Variants in ARHGAP44 observed in about 807,000 individuals in gnomAD.
ARHGAP44 encodes Rho GTPase activating protein 44, also known as rho GTPase-activating protein 44.
ARHGAP44 carries 43 observed loss-of-function variants against 106.8 expected under a neutral mutation model. The ratio of observed to expected loss-of-function variants is 0.40; its 90% CI spans 0.32 to 0.52. The LOEUF (loss-of-function observed/expected upper bound fraction) is 0.52. Ranked by LOEUF, ARHGAP44 falls within the 20% of genes least tolerant of loss-of-function variation. The probability of loss-of-function intolerance (pLI) is 0.48; values close to 1 mark genes in which losing one functional copy is unlikely to be tolerated. For missense variants in ARHGAP44, 866 were observed against 1,050.5 expected, an observed-to-expected ratio of 0.82 and a Z score of 2.43; for synonymous variants, 439 against 410.3, an observed-to-expected ratio of 1.07 and a Z score of -0.85.
In ARHGAP44 at chr17:12,802,503, CAG is replaced by C. The variant is rs368312351; in HGVS notation, c.53+12613_53+12614del. On this transcript the variant is annotated intron_variant, in intron 1 of 20. Transcript: ENST00000379672. The stretch of plus-strand genomic sequence containing the variant: ...GTTAAGTCCGATCTTCACTTGGAAA[CAG>C]GGGGAGAATAGGAATTCTTTCGATT... Among the ~76,000 whole-genome samples, 288 of 152,188 alleles carry C rather than the reference CAG, an allele frequency of 1.9e-3. 1 individual carries two copies. The highest frequency in any genetic ancestry group is 4.6e-3 in the African/African-American group (191 of 41,540).
intron 1 of ARHGAP44, among the ~76,000 whole-genome samples, chr17:12,818,975 G>C (rs2034681755): frequency 6.6e-6 from 1 of 152,042 alleles, no homozygotes; most frequent in Non-Finnish European, 1.5e-5. Context: ...AGACAATCTA[G>C]AAAGAAGAAC....
chr17:12,905,789 T>C (rs1293139843), intron 3 of ARHGAP44, among the ~76,000 whole-genome samples: 1 of 152,238 alleles, frequency 6.6e-6, no homozygotes, highest in Non-Finnish European at 1.5e-5. Flanking sequence ...TGGCAGGTCA[T>C]GGGACTGTGA....
rs181419414 is a variant in ARHGAP44 at position 12,866,365 on chromosome 17, G to C, written c.54-28575G>C. Among the ~76,000 whole-genome samples the C allele has an allele frequency of 9.2e-5, 14 of 152,212 alleles. No homozygotes were observed. The East Asian group carries it at 2.5e-3, about 27-fold the overall frequency. On this transcript the variant is annotated intron_variant, in intron 1 of 20. Coordinates refer to ENST00000379672, the MANE Select transcript of ARHGAP44 (RefSeq NM_014859.6). ...TAAATGAATTGAGGTTATTTTGCTT[G>C]TAAGAGTTTTACCCGTAAGTTCTAA...
chr17:12,866,786 G>A (rs2036250429), intron 1 of ARHGAP44, among the ~76,000 whole-genome samples: 1 of 152,176 alleles, frequency 6.6e-6, no homozygotes, highest in Non-Finnish European at 1.5e-5. Flanking sequence ...GAAGGTAAAT[G>A]TGTGGGGGAA....
At chr17:12,841,040 G>A (rs1418652687) in intron 1 of ARHGAP44, among the ~76,000 whole-genome samples, 1 of 152,142 alleles carries the variant, frequency 6.6e-6, no homozygotes, top group Non-Finnish European at 1.5e-5. Flanking sequence ...AGGGACGTCT[G>A]AGCAGGTGAA....
At position 12,905,555 on chromosome 17, in the gene ARHGAP44, G is replaced by A. The variant is rs116895414; in HGVS notation, c.199-3342G>A. On this transcript the variant is annotated intron_variant, in intron 3 of 20. Transcript: ENST00000379672. ...TCTTGTCCTGTTGATCTTGACCTTC[G>A]TTCATTTGGTCCCCCTTGGGCACAG... Among the ~76,000 whole-genome samples, 686 of 152,184 alleles carry A rather than the reference G, an allele frequency of 4.5e-3. 3 individuals are homozygous for A. Among genetic ancestry groups the A allele is most frequent in the Non-Finnish European group, 7.3e-3 (498 of 68,010 alleles).
chr17:12,931,114 C>T (rs533081114), intron 7 of ARHGAP44, among the ~76,000 whole-genome samples: 1 of 152,144 alleles, frequency 6.6e-6, no homozygotes, highest in Non-Finnish European at 1.5e-5. Context: ...TTCTGTTACC[C>T]AGGCTGGAGT....
At chr17:12,831,267 C>T (rs531478053) in intron 1 of ARHGAP44, among the ~76,000 whole-genome samples, 2 of 152,158 alleles carry the variant, frequency 1.3e-5, no homozygotes, top group African/African-American at 2.4e-5. Context: ...ACTTGGCTGC[C>T]GGACTCCAGA....
chr17:12,847,442 A>G lies in ARHGAP44; in HGVS notation c.54-47498A>G, dbSNP rs1447612865. 3.4e-5 allele frequency among the ~76,000 whole-genome samples: 5 copies of G among 148,996 alleles called. No homozygotes were observed. The East Asian group carries it at 7.9e-4, about 24-fold the overall frequency. ...AGAGGGTTCTCTTTGATCTTTGTGC[A>G]TTTTGTTCTTACCTCCGTAACTTCG... On this transcript the variant is annotated intron_variant, in intron 1 of 20. Coordinates refer to ENST00000379672, the MANE Select transcript of ARHGAP44 (RefSeq NM_014859.6).
chr17:12,941,193 A>C, intron 8 of ARHGAP44, 69 bp downstream of exon 8: 6 of 1,426,878 alleles, frequency 4.2e-6, no homozygotes, highest in Non-Finnish European at 5.9e-6. Context: ...GCATGGAATT[A>C]AGAGTCCCTT....
chr17:12,958,602 G>T lies in ARHGAP44; in HGVS notation c.1343-115G>T, dbSNP rs2039184343. On this transcript the variant is annotated intron_variant, in intron 15 of 20. Transcript: ENST00000379672. The surrounding 1 kb of genome is among the most constrained non-coding windows in gnomAD (Gnocchi z 4.1). ...ATATTAATAAGGTGAACCATGGGATGAAATTTTCTAGGGATGACATACGAG... is the reference window on the plus strand; with the variant it reads ...ATATTAATAAGGTGAACCATGGGATTAAATTTTCTAGGGATGACATACGAG... The T allele has an allele frequency of 9.7e-7, 1 of 1,025,892 alleles. No individual in the cohort carries two copies. Among genetic ancestry groups the T allele is most frequent in the Non-Finnish European group, 1.4e-6 (1 of 701,490 alleles). The allele number at this position is 1,025,892 out of a possible 1,614,324, so 63.5% of individuals were successfully genotyped here. A position where few individuals can be genotyped will look rare whatever the true frequency, so the allele number is the denominator to read the frequency against.
intron 12 of ARHGAP44, 151 bp from the exon 13 acceptor site, chr17:12,952,350 A>G: frequency 1.5e-6 from 1 of 667,126 alleles, no homozygotes. Context: ...TAGAGGGGTA[A>G]ATAATAACAA....
At chr17:12,982,082 T>C (rs9892534) in intron 19 of ARHGAP44, among the ~76,000 whole-genome samples, 88,221 of 151,878 alleles carry the variant, frequency 0.58, 25,797 homozygotes, top group East Asian at 0.86. Context: ...CATTGTCTCG[T>C]CCAGTGGGAG....
chr17:12,800,395 A>T (rs1264866930), intron 1 of ARHGAP44, among the ~76,000 whole-genome samples: 1 of 152,208 alleles, frequency 6.6e-6, no homozygotes, highest in Non-Finnish European at 1.5e-5. Flanking sequence ...CAGCTGTAAC[A>T]AAAGCCCCCA....
chr17:12,843,498 T>C (rs2035477251), intron 1 of ARHGAP44, among the ~76,000 whole-genome samples: 1 of 152,186 alleles, frequency 6.6e-6, no homozygotes, highest in Non-Finnish European at 1.5e-5. Flanking sequence ...TCGTTCATCT[T>C]TTGGTTGATC....
chr17:12,881,827 G>A (rs1451272276), intron 1 of ARHGAP44, among the ~76,000 whole-genome samples: 1 of 152,010 alleles, frequency 6.6e-6, no homozygotes, highest in East Asian at 1.9e-4. Context: ...TTGAGCAGCT[G>A]GGACTACAGG....
chr17:12,986,813 T>C (rs756412183), intron 20 of ARHGAP44: 4 of 323,274 alleles, frequency 1.2e-5, no homozygotes, highest in Non-Finnish European at 2.3e-5. Context: ...CCCAGGGCTC[T>C]AAGAAGCGGA....
chr17:12,878,405 G>T (rs1343548763), intron 1 of ARHGAP44, among the ~76,000 whole-genome samples: 1 of 152,010 alleles, frequency 6.6e-6, no homozygotes, highest in Non-Finnish European at 1.5e-5. Context: ...AGATCAGTTT[G>T]CCCAGGCTCT....
Position 12,858,224 on chromosome 17 carries a change from T to C in ARHGAP44, c.54-36716T>C, listed in dbSNP as rs147840380. On this transcript the variant is annotated intron_variant, in intron 1 of 20. Transcript: ENST00000379672. ...TGAAGACACCCAGGTCAGCCAAATA[T>C]GGGAACTGTGTATATAGCAACCCCA... 2.1e-3 allele frequency among the ~76,000 whole-genome samples: 323 copies of C among 152,282 alleles called. 3 individuals are homozygous for C. The highest frequency in any genetic ancestry group is 6.3e-3 in the African/African-American group (263 of 41,554).
Sources: gnomAD v4.1 joint callset for allele counts (sites outside exome capture counted in the v4.1 genomes callset) on GRCh38, gnomAD v4.1.1 for gene constraint, Gnocchi (gnomAD v3.1) non-coding constraint, MANE v1.5 for transcripts, NCBI Gene and HGNC (gene_info 2026-07-23, HGNC 2026-07-21) for gene names.